PHLDB2: variants seen among roughly 807,000 people sequenced by gnomAD.
PHLDB2 encodes the protein pleckstrin homology like domain family B member 2.
PHLDB2 carries 71 observed loss-of-function variants against 123.6 expected under a neutral mutation model. That is an observed-to-expected ratio of 0.57 (90% CI 0.47 to 0.70). PHLDB2 has a LOEUF of 0.70. Ranked by LOEUF, PHLDB2 falls within the 30% of genes least tolerant of loss-of-function variation. PHLDB2 has a pLI of 0.00. For missense variants in PHLDB2, 1,446 were observed against 1,519.5 expected, an observed-to-expected ratio of 0.95 and a Z score of 0.80; for synonymous variants, 547 against 541.6, an observed-to-expected ratio of 1.01 and a Z score of -0.14.
At chr3:111,788,834 C>G (rs1475959173) in intron 1 of PHLDB2, among the ~76,000 whole-genome samples, 1 of 152,120 alleles carries the variant, frequency 6.6e-6, no homozygotes, top group Non-Finnish European at 1.5e-5. Flanking sequence ...TCCAATATGG[C>G]CTAGGGAAGA....
At chr3:111,954,177 G>C (rs1454872297) in intron 12 of PHLDB2, 148 bp downstream of exon 12, 1 of 626,470 alleles carries the variant, frequency 1.6e-6, no homozygotes, top group Non-Finnish European at 2.7e-6. Flanking sequence ...TTTCGGGAGG[G>C]ATATATAACT....
At chr3:111,928,732 C>T (rs570792363) in intron 5 of PHLDB2, among the ~76,000 whole-genome samples, 1 of 152,138 alleles carries the variant, frequency 6.6e-6, no homozygotes, top group Admixed American at 6.5e-5. Flanking sequence ...ACTCTAGAAA[C>T]GTCAGTTTTA....
chr3:111,877,069 C>A (rs1449655533), intron 1 of PHLDB2, among the ~76,000 whole-genome samples: 2 of 152,058 alleles, frequency 1.3e-5, no homozygotes, highest in African/African-American at 4.8e-5. Flanking sequence ...ATTTATAATC[C>A]TTTGGGTATA....
At chr3:111,782,450 G>C (rs570228695) in intron 1 of PHLDB2, among the ~76,000 whole-genome samples, 3 of 152,064 alleles carry the variant, frequency 2.0e-5, no homozygotes, top group African/African-American at 7.2e-5. Flanking sequence ...GAGCTCAAAA[G>C]CTCAAGCTTG....
Position 111,900,227 on chromosome 3 carries a change from T to C in PHLDB2, c.1336-13092T>C, listed in dbSNP as rs978661212. On this transcript the variant is annotated intron_variant, in intron 2 of 17. Coordinates refer to ENST00000431670, the MANE Select transcript of PHLDB2 (RefSeq NM_001134438.2). ...GCAGTAAGGCTGTTTCACTTTCTTA[T>C]CATTTGTGCGTGAAGAATCACCTTT... Among the ~76,000 whole-genome samples, 6 of 152,262 alleles carry C rather than the reference T, an allele frequency of 3.9e-5. No homozygotes were observed. The East Asian group carries it at 1.2e-3, about 29-fold the overall frequency.
rs200623527 is a variant in PHLDB2 at position 111,845,794 on chromosome 3, G to A, written c.-48-27G>A. On this transcript the variant is annotated intron_variant, in intron 1 of 17. Coordinates refer to the PHLDB2 transcript ENST00000393923. Reference sequence around the variant, plus strand: ...AGGTCAATTCAGCTTTCCAATCATGGTACCTCTCTTTTCTTGCTGTGTGCA... The same window carrying A: ...AGGTCAATTCAGCTTTCCAATCATGATACCTCTCTTTTCTTGCTGTGTGCA... 9.9e-6 allele frequency: 16 copies of A among 1,610,906 alleles called. No individual in the cohort carries two copies. In the Middle Eastern group the frequency reaches 4.9e-4, roughly 50 times the overall value.
intron 6 of PHLDB2, among the ~76,000 whole-genome samples, chr3:111,939,054 C>G (rs1489503811): frequency 6.6e-6 from 1 of 152,046 alleles, no homozygotes; most frequent in Non-Finnish European, 1.5e-5. Flanking sequence ...GTGATCCCCC[C>G]TCCTCAGCCT....
At chr3:111,781,967 T>G (rs4682313) in intron 1 of PHLDB2, among the ~76,000 whole-genome samples, 101,383 of 151,912 alleles carry the variant, frequency 0.67, 35,504 homozygotes, top group East Asian at 0.93. Flanking sequence ...AGGGCCAGAA[T>G]GCAACCTGCC....
Position 111,974,549 on chromosome 3 carries a change from C to T in PHLDB2, c.3748C>T (p.His1250Tyr). The T allele has an allele frequency of 2.5e-6, 4 of 1,612,192 alleles. 1 individual carries two copies. In the South Asian group the frequency reaches 3.3e-5, roughly 13 times the overall value. ...AGTTACGGGGGCAGAAGGTTACACT[C>T]ACTTCTTGTTGTAGTGAACTGAGGC... ...VIVTGAEGYTHFLL is the reference protein window; with the variant it reads ...VIVTGAEGYTYFLL Residue 1250 changes from histidine (H) to tyrosine (Y), a missense_variant, in exon 18 of 18, where the codon CAC (histidine) becomes TAC (tyrosine). By Grantham distance (83) the His-to-Tyr change is moderately conservative. Coordinates refer to ENST00000431670, the MANE Select transcript of PHLDB2 (RefSeq NM_001134438.2).
intron 2 of PHLDB2, among the ~76,000 whole-genome samples, chr3:111,895,586 G>T (rs913454755): frequency 6.6e-6 from 1 of 152,124 alleles, no homozygotes; most frequent in Admixed American, 6.5e-5. Flanking sequence ...GTTGGCTCAC[G>T]CCTGTAATCC....
chr3:111,752,211 A>C lies in PHLDB2; in HGVS notation c.-49+19508A>C, dbSNP rs141657371. ...TCTCCGCATTTCTCTAGTCAGTGGA[A>C]GTTTCTAAGTGTGTGTGTGTGTGTG... On this transcript the variant is annotated intron_variant, in intron 1 of 17. Transcript: ENST00000393923. 8.7e-3 allele frequency among the ~76,000 whole-genome samples: 1,087 copies of C among 124,846 alleles called. 5 individuals are homozygous for C. The highest frequency in any genetic ancestry group is 0.013 in the Non-Finnish European group (744 of 58,890). 81.9% of individuals were successfully genotyped at this position (124,846 alleles called of 152,430 possible).
At chr3:111,758,331 G>A (rs113872855) in intron 1 of PHLDB2, among the ~76,000 whole-genome samples, 24 of 152,154 alleles carry the variant, frequency 1.6e-4, no homozygotes, top group Admixed American at 6.5e-4. Context: ...CCCCAGCCTC[G>A]CTGCCACCTT....
intron 1 of PHLDB2, among the ~76,000 whole-genome samples, chr3:111,768,371 A>G (rs1029554283): frequency 3.3e-5 from 5 of 152,222 alleles, no homozygotes; most frequent in African/African-American, 9.7e-5. Flanking sequence ...TTCACGTTTA[A>G]GTGAGAATAT....
intron 1 of PHLDB2, among the ~76,000 whole-genome samples, chr3:111,866,014 A>ATTTTTTTTTTCTTTTTTTTTTTTTT (rs2065053757): frequency 1.7e-5 from 1 of 57,430 alleles, no homozygotes; most frequent in Non-Finnish European, 3.0e-5. Flanking sequence ...CCACCCACTC[A>ATTTTTTTTTTCTTTTTTTTTTTTTT]TTTTTTTTTT....
At chr3:111,927,917 G>A (rs35058055) in intron 5 of PHLDB2, among the ~76,000 whole-genome samples, 19,903 of 152,192 alleles carry the variant, frequency 0.13, 1,637 homozygotes, top group Non-Finnish European at 0.18. Context: ...ATACAACTTA[G>A]AAGAGAGACA....
At chr3:111,905,858 G>C (rs541195417) in intron 2 of PHLDB2, among the ~76,000 whole-genome samples, 1 of 151,522 alleles carries the variant, frequency 6.6e-6, no homozygotes, top group Non-Finnish European at 1.5e-5. Context: ...TTTCCTTTAC[G>C]TTTTTCAGGT....
chr3:111,888,753 A>G (rs946257392), intron 2 of PHLDB2, among the ~76,000 whole-genome samples: 4 of 152,228 alleles, frequency 2.6e-5, no homozygotes, highest in Non-Finnish European at 4.4e-5. Context: ...TTTTTAATGC[A>G]TTACATTAAA....
At chr3:111,865,735 C>A (rs560373352) in intron 1 of PHLDB2, among the ~76,000 whole-genome samples, 1 of 151,704 alleles carries the variant, frequency 6.6e-6, no homozygotes. Context: ...AACATCCTAA[C>A]GTAACCATTT....
chr3:111,875,311 G>T (rs1427534794), intron 1 of PHLDB2, among the ~76,000 whole-genome samples: 1 of 143,104 alleles, frequency 7.0e-6, no homozygotes, highest in African/African-American at 2.5e-5. Context: ...ACCATGCCTG[G>T]CTAATTTTTT....
Sources: allele counts gnomAD v4.1 joint callset (sites outside exome capture counted in the v4.1 genomes callset), GRCh38; gene constraint gnomAD v4.1.1; transcripts MANE v1.5; gene names NCBI Gene and HGNC (gene_info 2026-07-23, HGNC 2026-07-21).